RELCH: variants seen among roughly 807,000 people sequenced by gnomAD.
RELCH encodes RAB11 binding and LisH domain, coiled-coil and HEAT repeat containing.
RELCH carries 41 observed loss-of-function variants against 150.3 expected under a neutral mutation model. The ratio of observed to expected loss-of-function variants is 0.27; its 90% CI spans 0.21 to 0.35. The LOEUF (loss-of-function observed/expected upper bound fraction) is 0.35. Ranked by LOEUF, RELCH falls within the 10% of genes least tolerant of loss-of-function variation. The pLI is 1.00. For synonymous variants in RELCH, 478 were observed against 531.8 expected (o/e 0.90, Z 1.39); for missense variants, 1,092 against 1,467.8 (o/e 0.74, Z 4.18).
chr18:62,279,892 C>A, intron 23 of RELCH, 36 bp downstream of exon 23: 1 of 1,341,444 alleles, frequency 7.5e-7, no homozygotes, highest in Non-Finnish European at 1.0e-6. Flanking sequence ...TTCGGCATCC[C>A]TTTCAAAATG....
At chr18:62,224,090 G>T (rs2041055688) in intron 5 of RELCH, among the ~76,000 whole-genome samples, 1 of 151,972 alleles carries the variant, frequency 6.6e-6, no homozygotes, top group Non-Finnish European at 1.5e-5. Context: ...TTTACATTAG[G>T]CATTTCTCCT....
chr18:62,296,711 G>T (rs1411417177), intron 27 of RELCH, among the ~76,000 whole-genome samples: 2 of 152,106 alleles, frequency 1.3e-5, no homozygotes, highest in Non-Finnish European at 2.9e-5. Flanking sequence ...CCTAGTTTTT[G>T]AATGTTTTTA....
At position 62,297,208 on chromosome 18, in the gene RELCH, G is replaced by A. The variant is rs193108481; in HGVS notation, c.3460-1582G>A. 4.6e-5 allele frequency among the ~76,000 whole-genome samples: 7 copies of A among 152,254 alleles called. No homozygotes were observed. The East Asian group carries it at 1.2e-3, about 25-fold the overall frequency. The stretch of plus-strand genomic sequence containing the variant: ...ATAAGTGACAGCTAGTTAATGATGG[G>A]ACACCTCATTACCCTTCAAATGCTG... On this transcript the variant is annotated intron_variant, in intron 27 of 28. Coordinates refer to ENST00000644646, the MANE Select transcript of RELCH (RefSeq NM_001346231.2).
At chr18:62,213,137 T>C (rs998406622) in intron 2 of RELCH, among the ~76,000 whole-genome samples, 2 of 152,136 alleles carry the variant, frequency 1.3e-5, no homozygotes, top group Admixed American at 1.3e-4. Flanking sequence ...GTATCACTCA[T>C]TAAATAGCAC....
chr18:62,245,140 CA>C (rs144677159), intron 11 of RELCH, among the ~76,000 whole-genome samples: 14,793 of 151,396 alleles, frequency 0.098, 827 homozygotes, highest in East Asian at 0.19. Flanking sequence ...TTTACTGCAA[CA>C]AAAAAAACAG....
chr18:62,272,631 C>T (rs941167953), intron 20 of RELCH, among the ~76,000 whole-genome samples: 3 of 151,910 alleles, frequency 2.0e-5, no homozygotes, highest in Admixed American at 2.0e-4. Context: ...TCTCACTAAA[C>T]AAAAATTTTT....
At chr18:62,200,145 G>A (rs2039331109) in intron 1 of RELCH, among the ~76,000 whole-genome samples, 2 of 152,148 alleles carry the variant, frequency 1.3e-5, no homozygotes, top group African/African-American at 4.8e-5. Context: ...CTGAAACCCT[G>A]TGACAAAGAG....
rs1337320587 is a variant in RELCH at position 62,308,304 on chromosome 18, G to A, written c.*2770G>A. 6.6e-6 allele frequency: 1 copy of A among 152,206 alleles called. No homozygotes were observed. Among genetic ancestry groups the A allele is most frequent in the Non-Finnish European group, 1.5e-5 (1 of 68,046 alleles). 9.4% of individuals were successfully genotyped at this position (152,206 alleles called of 1,614,324 possible). A position where few individuals can be genotyped will look rare whatever the true frequency, so the allele number is the denominator to read the frequency against. Reference sequence around the variant, plus strand: ...CTACCCTGCTGATCTTTGAACTGCAGTAGCTAACTACAGCTAACATTCTGT... The same window carrying A: ...CTACCCTGCTGATCTTTGAACTGCAATAGCTAACTACAGCTAACATTCTGT... On this transcript the variant is annotated 3_prime_UTR_variant, in exon 29 of 29. Transcript: ENST00000644646.
rs9945908 is a variant in RELCH, at chr18:62,275,653, A to G, written c.2967+180A>G. 8.9e-3 allele frequency: 3,815 copies of G among 430,812 alleles called. 47 individuals are homozygous for G. The highest frequency in any genetic ancestry group is 0.036 in the East Asian group (964 of 26,574). The allele number at this position is 430,812 out of a possible 1,614,324, so 26.7% of individuals were successfully genotyped here. ...GATGGGGCAGAAATTTAGCTTTAAC[A>G]TATTTAAAAATGTTTTCTCAGCTTA... On this transcript the variant is annotated intron_variant, in intron 22 of 28. Transcript: ENST00000644646.
rs1361680993 is a variant in RELCH at position 62,227,270 on chromosome 18, T to G, written c.859-19T>G. 9.3e-6 allele frequency: 12 copies of G among 1,290,888 alleles called. No homozygotes were observed. The highest frequency in any genetic ancestry group is 4.6e-5 in the African/African-American group (3 of 64,916). 80.0% of individuals were successfully genotyped at this position (1,290,888 alleles called of 1,614,324 possible). ...AAAATTTCCTCGAAGATTTTTTATG[T>G]TTTTTTTTTATCTTTTAGGATTTTG... is the stretch of plus-strand genomic sequence containing the variant. On this transcript the variant is annotated intron_variant, in intron 5 of 28. Transcript: ENST00000644646.
At chr18:62,231,575 C>T (rs1248199461) in intron 9 of RELCH, among the ~76,000 whole-genome samples, 1 of 151,860 alleles carries the variant, frequency 6.6e-6, no homozygotes, top group East Asian at 1.9e-4. Flanking sequence ...CTTAAGTGTA[C>T]ACTGTTTATA....
intron 1 of RELCH, among the ~76,000 whole-genome samples, chr18:62,209,435 T>G (rs1464541196): frequency 6.6e-6 from 1 of 152,226 alleles, no homozygotes; most frequent in African/African-American, 2.4e-5. Context: ...TGTCAAAAAC[T>G]ACTTGACCAT....
intron 10 of RELCH, among the ~76,000 whole-genome samples, chr18:62,238,448 A>C (rs1339844476): frequency 6.6e-6 from 1 of 152,050 alleles, no homozygotes; most frequent in Non-Finnish European, 1.5e-5. Context: ...AAATAAGCTA[A>C]AGTAGTTGGT....
At chr18:62,298,740 G>A (rs2045533348) in intron 27 of RELCH, 50 bp from the exon 28 acceptor site, 1 of 847,134 alleles carries the variant, frequency 1.2e-6, no homozygotes. Flanking sequence ...TTAAACCATA[G>A]TATTTTACTA....
At chr18:62,253,382 G>A (rs1299841558) in intron 12 of RELCH, among the ~76,000 whole-genome samples, 1 of 150,984 alleles carries the variant, frequency 6.6e-6, no homozygotes, top group East Asian at 1.9e-4. Context: ...GATGTGGGAG[G>A]TTTTTGTATT....
intron 22 of RELCH, chr18:62,277,669 A>G (rs2044286208): frequency 1.0e-6 from 1 of 977,450 alleles, no homozygotes; most frequent in South Asian, 4.7e-5. Flanking sequence ...TGGTCACTGA[A>G]ATTCACTAAT....
chr18:62,190,541 C>T (rs1308157592), intron 1 of RELCH, among the ~76,000 whole-genome samples: 5 of 152,134 alleles, frequency 3.3e-5, no homozygotes, highest in African/African-American at 9.7e-5. Context: ...CCCACCACTG[C>T]AGTCCAGCCT....
At chr18:62,258,483 A>G (rs1396287882) in intron 14 of RELCH, 29 bp from the exon 15 acceptor site, 14 of 1,577,008 alleles carry the variant, frequency 8.9e-6, no homozygotes, top group Non-Finnish European at 1.1e-5. Flanking sequence ...CCCTTTAAAA[A>G]TCTACATTTG....
At chr18:62,295,583 TTTTG>T (rs1294177027) in intron 27 of RELCH, among the ~76,000 whole-genome samples, 4 of 152,110 alleles carry the variant, frequency 2.6e-5, no homozygotes, top group African/African-American at 7.2e-5. Flanking sequence ...GGTTTTGGCT[TTTTG>T]TTTGTTTTTT....
Sources: allele counts gnomAD v4.1 joint callset (sites outside exome capture counted in the v4.1 genomes callset), GRCh38; gene constraint gnomAD v4.1.1; transcripts MANE v1.5; gene names NCBI Gene and HGNC (gene_info 2026-07-23, HGNC 2026-07-21).